Variants in FGF20 observed in about 807,000 individuals in gnomAD.
FGF20 encodes the protein fibroblast growth factor 20.
FGF20 carries 8 observed loss-of-function variants against 16.7 expected under a neutral mutation model. That is an observed-to-expected ratio of 0.48 (90% CI 0.28 to 0.87). The LOEUF (loss-of-function observed/expected upper bound fraction) is 0.87. FGF20 is among the 40% of genes least tolerant of loss of function. The pLI, the probability that FGF20 is intolerant of heterozygous loss-of-function variation, is 0.10. For missense variants in FGF20, 397 were observed against 281.4 expected (o/e 1.41, Z -2.94); for synonymous variants, 161 against 118.6 (o/e 1.36, Z -2.32).
intron 1 of FGF20, 102 bp downstream of exon 1, chr8:17,001,644 CG>C (rs780802512): frequency 1.7e-5 from 22 of 1,310,816 alleles, no homozygotes; most frequent in Non-Finnish European, 1.8e-5. Flanking sequence ...GGGCTCCGCG[CG>C]GCGATGACGC....
At position 16,992,880 on chromosome 8, in the gene FGF20, G is replaced by A. The variant is rs1809946768; in HGVS notation, c.*192C>T. The A allele has an allele frequency of 1.6e-6, 1 of 635,148 alleles. No homozygotes were observed. The highest frequency in any genetic ancestry group is 2.6e-6 in the Non-Finnish European group (1 of 379,124). 39.3% of individuals were successfully genotyped at this position (635,148 alleles called of 1,614,324 possible). On this transcript the variant is annotated 3_prime_UTR_variant, in exon 3 of 3. Coordinates refer to ENST00000180166, the MANE Select transcript of FGF20 (RefSeq NM_019851.3). ...TAAGGGAACTTAATCCACATATAAAGAGTGATCATGATCTATTTCTAGTCA... is the reference window on the plus strand; with the variant it reads ...TAAGGGAACTTAATCCACATATAAAAAGTGATCATGATCTATTTCTAGTCA...
At chr8:16,999,839 C>G (rs892742379) in intron 1 of FGF20, among the ~76,000 whole-genome samples, 1 of 151,690 alleles carries the variant, frequency 6.6e-6, no homozygotes, top group Admixed American at 6.6e-5. Context: ...GCGCCCAGCC[C>G]CAAGTTTCTT....
rs1389722667 is a variant in FGF20 at position 17,001,900 on chromosome 8, C to T, written c.133G>A (p.Glu45Lys). Residue 45 changes from glutamate to lysine, a missense_variant, in exon 1 of 3, where the codon GAG becomes AAG. Coordinates refer to ENST00000180166, the MANE Select transcript of FGF20 (RefSeq NM_019851.3). ...PLLGERRSAA[E>K]RSARGGPGAA... Reference sequence around the variant, plus strand: ...CCCGGCCCGCCGCGCGCGCTCCGCTCCGCCGCGCTCCTGCGCTCGCCCAGC... The same window carrying T: ...CCCGGCCCGCCGCGCGCGCTCCGCTTCGCCGCGCTCCTGCGCTCGCCCAGC... 4 of 1,465,904 alleles carry T rather than the reference C, an allele frequency of 2.7e-6. No individual in the cohort carries two copies. Among genetic ancestry groups the T allele is most frequent in the Non-Finnish European group, 3.6e-6 (4 of 1,111,650 alleles). The allele number at this position is 1,465,904 out of a possible 1,614,324, so 90.8% of individuals were successfully genotyped here.
intron 2 of FGF20, among the ~76,000 whole-genome samples, chr8:16,995,326 G>T (rs565917979): frequency 1.3e-5 from 2 of 152,298 alleles, no homozygotes; most frequent in South Asian, 4.1e-4. Flanking sequence ...AGGTGAGAGA[G>T]TCTAACATGG....
At chr8:16,994,767 G>A (rs1810004327) in intron 2 of FGF20, among the ~76,000 whole-genome samples, 1 of 152,126 alleles carries the variant, frequency 6.6e-6, no homozygotes, top group African/African-American at 2.4e-5. Context: ...TAATTACAGA[G>A]ACTTCAACCT....
At chr8:16,994,474 T>C (rs1809997655) in intron 2 of FGF20, among the ~76,000 whole-genome samples, 1 of 11,654 alleles carries the variant, frequency 8.6e-5, no homozygotes, top group Admixed American at 2.7e-3. Context: ...ATTGTGTGCA[T>C]GTTTTTTCTA....
rs757072657 is a variant in FGF20, at chr8:16,993,226, G to A, written c.482C>T (p.Thr161Ile). ...YSSNIYKHGD[T>I]GRRYFVALNK... ...AAGTGCCACAAAATACCTGCGGCCA[G>A]TGTCTCCATGTTTATATATGTTAGA... The change falls in exon 3 of 3, where the codon ACT (threonine) becomes ATT (isoleucine). Residue 161 changes from threonine (T) to isoleucine (I), a missense_variant. Thr to Ile is a moderately conservative substitution (Grantham distance 89). Transcript: ENST00000180166. 7.4e-6 allele frequency: 12 copies of A among 1,614,062 alleles called. No homozygotes were observed. The South Asian group carries it at 1.1e-4, about 15-fold the overall frequency.
chr8:16,995,818 CT>C, intron 1 of FGF20, 60 bp from the exon 2 acceptor site: 1 of 968,100 alleles, frequency 1.0e-6, no homozygotes, highest in East Asian at 2.5e-5. Context: ...GAGCATATGA[CT>C]AACAAAAATC....
intron 1 of FGF20, 115 bp from the exon 2 acceptor site, chr8:16,995,873 G>C: frequency 1.8e-6 from 1 of 562,366 alleles, no homozygotes. Flanking sequence ...CAAATATAAT[G>C]ATGTACGTGT....
At chr8:17,001,635 G>C in intron 1 of FGF20, 112 bp downstream of exon 1, 1 of 1,264,884 alleles carries the variant, frequency 7.9e-7, no homozygotes, top group Non-Finnish European at 1.0e-6. Flanking sequence ...GGGAGCTCCG[G>C]GCTCCGCGCG....
intron 1 of FGF20, among the ~76,000 whole-genome samples, chr8:16,996,961 G>C (rs1025002053): frequency 6.6e-6 from 1 of 152,130 alleles, no homozygotes; most frequent in African/African-American, 2.4e-5. Context: ...TATGTTTCCT[G>C]CTGTGTAATT....
chr8:16,995,592 A>G, intron 2 of FGF20, 63 bp downstream of exon 2: 2 of 668,648 alleles, frequency 3.0e-6, no homozygotes, highest in Non-Finnish European at 4.7e-6. Flanking sequence ...CATTTTAATT[A>G]CATAATAGAT....
intron 1 of FGF20, 21 bp downstream of exon 1, chr8:17,001,726 G>T: frequency 1.3e-6 from 2 of 1,563,042 alleles, no homozygotes; most frequent in South Asian, 1.2e-5. Context: ...ATGGGGGTGG[G>T]GTCGGGATGC....
Position 17,001,783 on chromosome 8 carries a change from T to C in FGF20, c.250A>G (p.Ser84Gly). 6.4e-7 allele frequency: 1 copy of C among 1,573,404 alleles called. No individual in the cohort carries two copies. Among genetic ancestry groups the C allele is most frequent in the South Asian group, 1.1e-5 (1 of 87,476 alleles). The change falls in exon 1 of 3, where the codon AGC (serine) becomes GGC (glycine). Residue 84 changes from serine (S) to glycine (G), a missense_variant. Ser to Gly is a moderately conservative substitution (Grantham distance 56, BLOSUM62 0). Coordinates refer to ENST00000180166, the MANE Select transcript of FGF20 (RefSeq NM_019851.3). ...GFHLQILPDG[S>G]VQGTRQDHSL... is the part of the protein sequence containing the mutation. ...TGGTCCTGCCGGGTGCCCTGCACGC[T>C]GCCGTCGGGCAGGATCTGCAGGTGG...
chr8:16,999,786 G>A (rs1295098021), intron 1 of FGF20, among the ~76,000 whole-genome samples: 3 of 148,706 alleles, frequency 2.0e-5, no homozygotes, highest in Admixed American at 6.8e-5. Flanking sequence ...TGATCCACCC[G>A]CCTCGGCCTC....
Position 16,992,195 on chromosome 8 carries a change from A to G in FGF20, c.*877T>C, listed in dbSNP as rs1170625308. On this transcript the variant is annotated 3_prime_UTR_variant, in exon 3 of 3. Coordinates refer to ENST00000180166, the MANE Select transcript of FGF20 (RefSeq NM_019851.3). ...CCAAAACACTGCATGAAAATGTTTA[A>G]TTCCCTTTTGAATGTGTGTTGAATT... The G allele has an allele frequency of 6.6e-6, 1 of 152,190 alleles. No individual in the cohort carries two copies. The highest frequency in any genetic ancestry group is 2.4e-5 in the African/African-American group (1 of 41,472). 9.4% of individuals were successfully genotyped at this position (152,190 alleles called of 1,614,324 possible). A position where few individuals can be genotyped will look rare whatever the true frequency, so the allele number is the denominator to read the frequency against.
intron 1 of FGF20, among the ~76,000 whole-genome samples, chr8:16,997,645 G>C (rs1563233518): frequency 6.6e-6 from 1 of 152,102 alleles, no homozygotes; most frequent in Non-Finnish European, 1.5e-5. Flanking sequence ...TCTATAAGTG[G>C]CTTGAAAGAG....
chr8:16,995,659 C>A lies in FGF20; in HGVS notation c.386G>T (p.Gly129Val). ...LGMNDKGELY[G>V]SEKLTSECIF... ...AAAAATAAAAATAATACGTACTGAT[C>A]CATAGAGTTCTCCTTTGTCATTCAT... Residue 129 changes from glycine to valine, a missense_variant, in exon 2 of 3, where the codon GGA becomes GTA. Gly to Val is a moderately radical substitution (Grantham distance 109). Coordinates refer to ENST00000180166, the MANE Select transcript of FGF20 (RefSeq NM_019851.3). The A allele has an allele frequency of 6.8e-7, 1 of 1,474,796 alleles. No homozygotes were observed. Among genetic ancestry groups the A allele is most frequent in the Non-Finnish European group, 9.4e-7 (1 of 1,062,464 alleles). The allele number at this position is 1,474,796 out of a possible 1,614,324, so 91.4% of individuals were successfully genotyped here. A position where few individuals can be genotyped will look rare whatever the true frequency, so the allele number is the denominator to read the frequency against.
chr8:16,992,922 T>G lies in FGF20; in HGVS notation c.*150A>C. On this transcript the variant is annotated 3_prime_UTR_variant, in exon 3 of 3. Coordinates refer to ENST00000180166, the MANE Select transcript of FGF20 (RefSeq NM_019851.3). The stretch of plus-strand genomic sequence containing the variant: ...TTCTAGTCAAAATTTTTTTTGGTTT[T>G]TTTTCTCAATATTCTTTCCAAATCC... 9.4e-7 allele frequency: 1 copy of G among 1,068,814 alleles called. No individual in the cohort carries two copies. Among genetic ancestry groups the G allele is most frequent in the South Asian group, 1.7e-5 (1 of 60,250 alleles). 66.2% of individuals were successfully genotyped at this position (1,068,814 alleles called of 1,614,324 possible).
Sources: allele counts gnomAD v4.1 joint callset (sites outside exome capture counted in the v4.1 genomes callset), GRCh38; gene constraint gnomAD v4.1.1; transcripts MANE v1.5; gene names NCBI Gene and HGNC (gene_info 2026-07-23, HGNC 2026-07-21).